The following LIN54 variants were observed in gnomAD, a reference collection of about 807,000 sequenced individuals.
LIN54 encodes protein lin-54 homolog.
A neutral mutation model predicts 78.7 loss-of-function variants in LIN54; 9 were observed. That is an observed-to-expected ratio of 0.11 (90% CI 0.07 to 0.20). The LOEUF (loss-of-function observed/expected upper bound fraction) is 0.20, where lower values mean the gene tolerates loss of function less well. Among genes scored for constraint, LIN54 ranks in the 10% least tolerant of loss-of-function variants. LIN54 has a pLI of 1.00. For missense variants in LIN54, 573 were observed against 889.9 expected (o/e 0.64, Z 4.53); for synonymous variants, 269 against 318.4 (o/e 0.84, Z 1.65).
At chr4:82,957,168 C>G (rs745368103) in intron 4 of LIN54, among the ~76,000 whole-genome samples, 2 of 152,186 alleles carry the variant, frequency 1.3e-5, no homozygotes, top group African/African-American at 4.8e-5. Context: ...AAGCAATCAA[C>G]TTCTGAAACC....
chr4:82,976,284 T>A (rs1726152483), intron 3 of LIN54, among the ~76,000 whole-genome samples: 1 of 152,082 alleles, frequency 6.6e-6, no homozygotes, highest in South Asian at 2.1e-4. Flanking sequence ...CAAGTTCAGA[T>A]TTGCATTTTA....
intron 2 of LIN54, among the ~76,000 whole-genome samples, chr4:82,979,973 GTCTCA>G (rs1359382814): frequency 3.1e-5 from 3 of 97,860 alleles, no homozygotes; most frequent in Non-Finnish European, 5.0e-5. Flanking sequence ...AAAATACTGG[GTCTCA>G]TCTCGTCACC....
chr4:82,979,867 C>A (rs1022146370), intron 2 of LIN54, among the ~76,000 whole-genome samples: 1 of 140,178 alleles, frequency 7.1e-6, no homozygotes, highest in African/African-American at 2.7e-5. Context: ...AACCCGGGAG[C>A]AGAGGTTGCA....
Position 83,010,783 on chromosome 4 carries a change from C to T in LIN54, c.-332G>A. 2 of 1,234,816 alleles carry T rather than the reference C, an allele frequency of 1.6e-6. No individual in the cohort carries two copies. Among genetic ancestry groups the T allele is most frequent in the Non-Finnish European group, 1.0e-6 (1 of 990,534 alleles). The allele number at this position is 1,234,816 out of a possible 1,614,324, so 76.5% of individuals were successfully genotyped here. ...CATCACAGCTCAGCAGCTTCCCCGACAGCCGGAGCCCGGGCCGCCGCCGCC... is the reference window on the plus strand; with the variant it reads ...CATCACAGCTCAGCAGCTTCCCCGATAGCCGGAGCCCGGGCCGCCGCCGCC... On this transcript the variant is annotated 5_prime_UTR_variant, in exon 1 of 13. Coordinates refer to ENST00000340417, the MANE Select transcript of LIN54 (RefSeq NM_194282.4).
intron 2 of LIN54, among the ~76,000 whole-genome samples, chr4:82,979,939 CAAAAAAAAAAAAAA>C (rs70943176): frequency 6.0e-5 from 3 of 49,872 alleles, no homozygotes; most frequent in Non-Finnish European, 3.5e-5. Context: ...GACTCTGTCT[CAAAAAAAAAAAAAA>C]AAAAAAAAAA....
chr4:82,987,894 C>G lies in LIN54; in HGVS notation c.-32-3018G>C, dbSNP rs896510595. On this transcript the variant is annotated intron_variant, in intron 1 of 12. Coordinates refer to ENST00000340417, the MANE Select transcript of LIN54 (RefSeq NM_194282.4). ...GATTTATATTCCTTTGGGTACATAC[C>G]CAGTAATGGGACTGATGGGCCAAAT... Among the ~76,000 whole-genome samples the G allele has an allele frequency of 9.9e-5, 15 of 152,252 alleles. 1 individual carries two copies. The South Asian group carries it at 3.1e-3, about 32-fold the overall frequency.
intron 1 of LIN54, among the ~76,000 whole-genome samples, chr4:82,995,418 C>T (rs1250801649): frequency 1.3e-5 from 2 of 148,806 alleles, no homozygotes; most frequent in African/African-American, 4.9e-5. Flanking sequence ...GAGACTATTC[C>T]AGAGCCAGGA....
intron 1 of LIN54, among the ~76,000 whole-genome samples, chr4:83,009,055 T>G: frequency 6.6e-6 from 1 of 152,198 alleles, no homozygotes; most frequent in African/African-American, 2.4e-5. Context: ...ATCAGACAAA[T>G]TATTTTTAAA....
At chr4:82,980,543 A>G (rs1361119706) in intron 2 of LIN54, among the ~76,000 whole-genome samples, 4 of 140,606 alleles carry the variant, frequency 2.8e-5, no homozygotes, top group South Asian at 4.7e-4. Context: ...GACAAAAACC[A>G]ACTGTATATA....
chr4:82,928,293 T>A lies in LIN54; in HGVS notation c.2059A>T (p.Thr687Ser). Residue 687 changes from threonine to serine, a missense_variant, in exon 13 of 13, where the codon ACA becomes TCA. Thr to Ser is a moderately conservative substitution (Grantham distance 58). Around this residue, in one of 6 missense-constraint regions of LIN54, gnomAD observed 82 missense variants for 140.8 expected, o/e 0.58. Transcript: ENST00000340417. ...TCAGCTACTTCCTTAGTTACAAATG[T>A]AAATGGCAATCTGAAATGATTTTTG... ...LNSGGGKLPF[T>S]FVTKEVAEAT... 6.2e-7 allele frequency: 1 copy of A among 1,613,400 alleles called. No homozygotes were observed.
At chr4:82,995,314 T>A (rs1241571495) in intron 1 of LIN54, among the ~76,000 whole-genome samples, 2 of 151,354 alleles carry the variant, frequency 1.3e-5, no homozygotes, top group African/African-American at 4.8e-5. Flanking sequence ...GGGAAAAAAA[T>A]TAATTTAATT....
intron 4 of LIN54, among the ~76,000 whole-genome samples, chr4:82,952,730 A>G (rs1723942498): frequency 6.6e-6 from 1 of 152,198 alleles, no homozygotes. Context: ...AGACAGATGA[A>G]TGCCTAATCA....
intron 4 of LIN54, among the ~76,000 whole-genome samples, chr4:82,955,088 C>T (rs13131897): frequency 0.54 from 82,269 of 152,014 alleles, 24,095 homozygotes; most frequent in East Asian, 0.78. Context: ...AAAGAATGAA[C>T]AGGCCGGGTA....
intron 1 of LIN54, chr4:83,003,425 A>G (rs1310401401): frequency 6.6e-6 from 1 of 152,202 alleles, no homozygotes; most frequent in African/African-American, 2.4e-5. Flanking sequence ...ATGAGTTCTG[A>G]TGAAGTTTTG....
Position 82,926,085 on chromosome 4 carries a change from C to T in LIN54, c.*2017G>A, listed in dbSNP as rs1421215472. ...GAAATTTTTTTACAAGCAAAACATT[C>T]GTAAGCAATGCCATCATACATAATC... On this transcript the variant is annotated 3_prime_UTR_variant, in exon 13 of 13. Transcript: ENST00000340417. The T allele has an allele frequency of 6.6e-6, 1 of 152,504 alleles. No homozygotes were observed. Among genetic ancestry groups the T allele is most frequent in the African/African-American group, 2.4e-5 (1 of 41,422 alleles). The allele number at this position is 152,504 out of a possible 1,614,324, so 9.4% of individuals were successfully genotyped here. A position where few individuals can be genotyped will look rare whatever the true frequency, so the allele number is the denominator to read the frequency against.
chr4:82,926,567 CCTAA>C lies in LIN54; in HGVS notation c.*1531_*1534del, dbSNP rs1010860960. ...ATACTAATTACTGATGATTAAGGTA[CCTAA>C]CAAAATGCCTGAATTCCAACATGGT... On this transcript the variant is annotated 3_prime_UTR_variant, in exon 13 of 13. Transcript: ENST00000340417. 3.3e-5 allele frequency: 5 copies of C among 152,116 alleles called. No homozygotes were observed. Among genetic ancestry groups the C allele is most frequent in the African/African-American group, 1.2e-4 (5 of 41,398 alleles). The allele number at this position is 152,116 out of a possible 1,614,324, so 9.4% of individuals were successfully genotyped here. A position where few individuals can be genotyped will look rare whatever the true frequency, so the allele number is the denominator to read the frequency against.
intron 5 of LIN54, among the ~76,000 whole-genome samples, chr4:82,945,110 C>T (rs1327702767): frequency 1.3e-5 from 2 of 152,194 alleles, no homozygotes; most frequent in Admixed American, 6.5e-5. Flanking sequence ...GATCCTTGGC[C>T]TCCCAAAGTG....
rs1399138831 is a variant in LIN54, at chr4:82,927,434, C to G, written c.*668G>C. Reference sequence around the variant, plus strand: ...CAGCCCAGAGCATCTGTTAGCCTTTCCTTATTATAGAAACACATTGCCCAT... The same window carrying G: ...CAGCCCAGAGCATCTGTTAGCCTTTGCTTATTATAGAAACACATTGCCCAT... On this transcript the variant is annotated 3_prime_UTR_variant, in exon 13 of 13. Coordinates refer to ENST00000340417, the MANE Select transcript of LIN54 (RefSeq NM_194282.4). 1.3e-5 allele frequency: 2 copies of G among 152,134 alleles called. No homozygotes were observed. The highest frequency in any genetic ancestry group is 2.9e-5 in the Non-Finnish European group (2 of 68,026). The allele number at this position is 152,134 out of a possible 1,614,324, so 9.4% of individuals were successfully genotyped here.
chr4:83,001,195 TG>T (rs1443749746), intron 1 of LIN54, among the ~76,000 whole-genome samples: 8 of 152,016 alleles, frequency 5.3e-5, no homozygotes, highest in Non-Finnish European at 1.0e-4. Flanking sequence ...ACATAACCAA[TG>T]AAGAAAATCA....
Sources: allele counts gnomAD v4.1 joint callset (sites outside exome capture counted in the v4.1 genomes callset), GRCh38; gene constraint gnomAD v4.1.1; regional missense constraint gnomAD v4.1.1; transcripts MANE v1.5; gene names NCBI Gene and HGNC (gene_info 2026-07-23, HGNC 2026-07-21).